Variants in DLGAP2 observed in about 807,000 individuals in gnomAD.
DLGAP2 encodes the protein DLG associated protein 2, also known as disks large-associated protein 2.
DLGAP2 carries 26 observed loss-of-function variants against 100.3 expected under a neutral mutation model. The observed-to-expected ratio is 0.26, with a 90% CI of 0.19 to 0.36. DLGAP2 has a LOEUF of 0.36. DLGAP2 is among the 10% of genes least tolerant of loss of function. The pLI is 1.00. For missense variants in DLGAP2, 1,858 were observed against 1,453.2 expected, an observed-to-expected ratio of 1.28 and a Z score of -4.53; for synonymous variants, 886 against 630.1, an observed-to-expected ratio of 1.41 and a Z score of -6.08.
chr8:1,452,989 G>T (rs534011433), intron 3 of DLGAP2, among the ~76,000 whole-genome samples: 6 of 152,324 alleles, frequency 3.9e-5, no homozygotes, highest in African/African-American at 1.4e-4. Context: ...GGAAGGAGAC[G>T]TGAGAAGTCC....
At chr8:856,930 G>A (rs1164461150) in intron 1 of DLGAP2, among the ~76,000 whole-genome samples, 1 of 152,204 alleles carries the variant, frequency 6.6e-6, no homozygotes, top group Non-Finnish European at 1.5e-5. Context: ...CAGTATTTAA[G>A]GAGAACAAAG....
intron 4 of DLGAP2, among the ~76,000 whole-genome samples, chr8:1,506,389 A>T (rs1036899966): frequency 2.0e-5 from 3 of 152,190 alleles, no homozygotes; most frequent in Admixed American, 6.5e-5. Context: ...CTTTTGGGTG[A>T]GTGTCCGGAG....
At chr8:1,360,244 C>CTCCGGGGCGGGGCTTT (rs1801950573) in intron 3 of DLGAP2, among the ~76,000 whole-genome samples, 2 of 103,270 alleles carry the variant, frequency 1.9e-5, no homozygotes, top group African/African-American at 7.3e-5. Flanking sequence ...GGCGGGGCTT[C>CTCCGGGGCGGGGCTTT]TCCGGGGCGG....
At chr8:998,304 G>A (rs1384872581) in intron 2 of DLGAP2, among the ~76,000 whole-genome samples, 2 of 152,120 alleles carry the variant, frequency 1.3e-5, no homozygotes, top group African/African-American at 4.8e-5. Flanking sequence ...CTTTTAGTCA[G>A]TTTATCTAGA....
chr8:1,195,614 T>C (rs755297505), intron 2 of DLGAP2, among the ~76,000 whole-genome samples: 1 of 152,248 alleles, frequency 6.6e-6, no homozygotes, highest in South Asian at 2.1e-4. Context: ...CTAATTCTTA[T>C]GTAAAAATTT....
At chr8:815,347 G>C (rs1168298566) in intron 1 of DLGAP2, among the ~76,000 whole-genome samples, 2 of 152,166 alleles carry the variant, frequency 1.3e-5, no homozygotes, top group Non-Finnish European at 2.9e-5. Context: ...CTTTTTAGGA[G>C]GGCCTTAGCC....
intron 2 of DLGAP2, among the ~76,000 whole-genome samples, chr8:1,201,929 CTG>C (rs1031333357): frequency 2.3e-4 from 35 of 151,206 alleles, no homozygotes; most frequent in Middle Eastern, 6.9e-3. Context: ...GTATCTAGCT[CTG>C]TGTGTGATGT....
intron 1 of DLGAP2, among the ~76,000 whole-genome samples, chr8:869,750 G>C (rs971230713): frequency 1.8e-4 from 27 of 152,352 alleles, no homozygotes; most frequent in African/African-American, 6.0e-4. Flanking sequence ...ATTTTGGCAA[G>C]CCTGTTTCCC....
chr8:1,007,148 G>A (rs978319775), intron 2 of DLGAP2, among the ~76,000 whole-genome samples: 3 of 151,730 alleles, frequency 2.0e-5, no homozygotes, highest in East Asian at 1.9e-4. Context: ...TTATCACGTC[G>A]GGTATGCCGT....
In DLGAP2 at chr8:1,484,600, A is replaced by G. The variant is rs191817040; in HGVS notation, c.107-16766A>G. Among the ~76,000 whole-genome samples, 8 of 152,374 alleles carry G rather than the reference A, an allele frequency of 5.3e-5. No homozygotes were observed. In the East Asian group the frequency reaches 1.3e-3, roughly 26 times the overall value. ...AGGAGGTTCACGCTGATTCAGAGTC[A>G]TCAGGGTAAAACCAATTCAGACCCA... On this transcript the variant is annotated intron_variant, in intron 3 of 14. Coordinates refer to ENST00000637795, the MANE Select transcript of DLGAP2 (RefSeq NM_001346810.2).
At chr8:779,186 G>A (rs893750328) in intron 1 of DLGAP2, among the ~76,000 whole-genome samples, 7 of 152,212 alleles carry the variant, frequency 4.6e-5, no homozygotes, top group East Asian at 1.9e-4. Flanking sequence ...GCAATGCCTC[G>A]CCCTGCTTCG....
chr8:1,172,879 C>G (rs1369528844), intron 2 of DLGAP2, among the ~76,000 whole-genome samples: 2 of 152,226 alleles, frequency 1.3e-5, no homozygotes, highest in Non-Finnish European at 2.9e-5. Context: ...CTTCTCTCAT[C>G]TCGTCAAAGT....
At chr8:816,779 A>C (rs748516787) in intron 1 of DLGAP2, among the ~76,000 whole-genome samples, 14 of 152,338 alleles carry the variant, frequency 9.2e-5, no homozygotes, top group Non-Finnish European at 1.9e-4. Flanking sequence ...TAGTAAAAAC[A>C]GGAAGTTTTC....
chr8:1,378,745 A>G (rs1796023893), intron 3 of DLGAP2, among the ~76,000 whole-genome samples: 1 of 152,172 alleles, frequency 6.6e-6, no homozygotes, highest in Non-Finnish European at 1.5e-5. Flanking sequence ...CTTTCATTCT[A>G]ATTTACATTC....
At chr8:980,932 A>T (rs1430143280) in intron 2 of DLGAP2, among the ~76,000 whole-genome samples, 1 of 152,196 alleles carries the variant, frequency 6.6e-6, no homozygotes, top group Non-Finnish European at 1.5e-5. Context: ...TGTACATAAC[A>T]TAAAATTTAC....
At chr8:1,656,418 T>C (rs996233061) in intron 8 of DLGAP2, among the ~76,000 whole-genome samples, 1 of 152,090 alleles carries the variant, frequency 6.6e-6, no homozygotes, top group East Asian at 1.9e-4. Flanking sequence ...CCTAAGAATG[T>C]AGGCATTTTC....
At chr8:1,669,812 G>A (rs777681466) in intron 10 of DLGAP2, 28 bp downstream of exon 10, 6 of 780,900 alleles carry the variant, frequency 7.7e-6, no homozygotes, top group Middle Eastern at 2.3e-4. Flanking sequence ...CTCCAAAGCC[G>A]CGTCCGCATG....
intron 2 of DLGAP2, among the ~76,000 whole-genome samples, chr8:1,071,746 A>C (rs1462657779): frequency 6.6e-6 from 1 of 152,120 alleles, no homozygotes; most frequent in Non-Finnish European, 1.5e-5. Flanking sequence ...TTATTTTCCT[A>C]ATATGTGTGT....
chr8:1,053,326 G>A (rs979864208), intron 2 of DLGAP2, among the ~76,000 whole-genome samples: 6 of 152,072 alleles, frequency 3.9e-5, no homozygotes. Flanking sequence ...TGGTTATAAA[G>A]TTTGGGGGAA....
Sources: allele counts gnomAD v4.1 joint callset (sites outside exome capture counted in the v4.1 genomes callset), GRCh38; gene constraint gnomAD v4.1.1; transcripts MANE v1.5; gene names NCBI Gene and HGNC (gene_info 2026-07-23, HGNC 2026-07-21).